Variants in CYTH3 observed in about 807,000 individuals in gnomAD.
CYTH3 encodes cytohesin 3, also known as cytohesin-3.
In CYTH3, 23 loss-of-function variants were observed where a neutral mutation model predicts 55.1. The ratio of observed to expected loss-of-function variants is 0.42; its 90% CI spans 0.30 to 0.59. CYTH3 has a LOEUF of 0.59. CYTH3 is among the 20% of genes least tolerant of loss of function. The pLI is 0.20. For synonymous variants in CYTH3, 249 were observed against 194.9 expected (o/e 1.28, Z -2.31); for missense variants, 413 against 524.8 (o/e 0.79, Z 2.08).
chr7:6,237,729 A>C (rs1046538613), intron 1 of CYTH3, among the ~76,000 whole-genome samples: 2 of 152,072 alleles, frequency 1.3e-5, no homozygotes, highest in African/African-American at 4.8e-5. Context: ...ACAAAAAAAA[A>C]CCACACATGC....
chr7:6,244,156 G>C (rs1022105001), intron 1 of CYTH3, among the ~76,000 whole-genome samples: 3 of 151,998 alleles, frequency 2.0e-5, no homozygotes, highest in African/African-American at 7.3e-5. Context: ...TGTCAAAGTC[G>C]GACACTTTCA....
intron 1 of CYTH3, among the ~76,000 whole-genome samples, chr7:6,262,423 A>G (rs924246494): frequency 3.3e-5 from 5 of 152,238 alleles, no homozygotes; most frequent in African/African-American, 1.2e-4. Context: ...ACCACATAAC[A>G]GCTGAAAACC....
rs148373869 is a variant in CYTH3 at position 6,166,082 on chromosome 7, G to A, written c.824-272C>T. Reference sequence around the variant, plus strand: ...TGGGAGAGTTAGTGGGATGGATGGCGTCATTTTCCCACATGAGATGGCAGT... The same window carrying A: ...TGGGAGAGTTAGTGGGATGGATGGCATCATTTTCCCACATGAGATGGCAGT... On this transcript the variant is annotated intron_variant, in intron 9 of 12. Coordinates refer to ENST00000350796, the MANE Select transcript of CYTH3 (RefSeq NM_004227.4). Among the ~76,000 whole-genome samples, 386 of 152,280 alleles carry A rather than the reference G, an allele frequency of 2.5e-3. 1 individual carries two copies. The highest frequency in any genetic ancestry group is 8.9e-3 in the African/African-American group (368 of 41,560).
At chr7:6,176,450 G>A (rs1042132147) in intron 5 of CYTH3, among the ~76,000 whole-genome samples, 6 of 151,392 alleles carry the variant, frequency 4.0e-5, no homozygotes, top group Admixed American at 1.3e-4. Flanking sequence ...TTTAGTAGAG[G>A]TGAGGTTTCA....
chr7:6,187,695 C>T lies in CYTH3; in HGVS notation c.144G>A (p.Val48=). ...IERLKYEIAE[V]MTEIDNLTSV... The stretch of plus-strand genomic sequence containing the variant: ...AAGTTAGATTGTCGATCTCTGTCAT[C>T]ACCTCTGCAATTTCATATTTCAGCC... Residue 48 remains valine, a synonymous_variant, in exon 3 of 13, where the codon GTG becomes GTA. Transcript: ENST00000350796. 6.2e-7 allele frequency: 1 copy of T among 1,614,148 alleles called. No homozygotes were observed. Among genetic ancestry groups the T allele is most frequent in the Non-Finnish European group, 8.5e-7 (1 of 1,180,008 alleles).
chr7:6,170,673 T>G lies in CYTH3; in HGVS notation c.712-27A>C. The G allele has an allele frequency of 6.2e-7, 1 of 1,606,086 alleles. No homozygotes were observed. The highest frequency in any genetic ancestry group is 8.5e-7 in the Non-Finnish European group (1 of 1,175,584). On this transcript the variant is annotated intron_variant, in intron 8 of 12. Coordinates refer to ENST00000350796, the MANE Select transcript of CYTH3 (RefSeq NM_004227.4). This position sits in a 1 kb window ranked among gnomAD's most constrained non-coding sequence, Gnocchi z 7.8. ...TGCAAGGAGGGAAAACAGCAGCCAGTTCAGAGACTCGGAGGAAAATGGCTG... is the reference window on the plus strand; with the variant it reads ...TGCAAGGAGGGAAAACAGCAGCCAGGTCAGAGACTCGGAGGAAAATGGCTG...
At chr7:6,219,954 T>C (rs529497521) in intron 1 of CYTH3, among the ~76,000 whole-genome samples, 8 of 152,266 alleles carry the variant, frequency 5.3e-5, no homozygotes, top group South Asian at 2.1e-4. Context: ...GGCAGAGGGA[T>C]AGACACACAG....
At chr7:6,213,709 G>A (rs1420415504) in intron 1 of CYTH3, among the ~76,000 whole-genome samples, 1 of 151,914 alleles carries the variant, frequency 6.6e-6, no homozygotes, top group Non-Finnish European at 1.5e-5. Flanking sequence ...GGTGTCTGAA[G>A]ACACAATCTC....
intron 4 of CYTH3, among the ~76,000 whole-genome samples, chr7:6,182,056 GT>G (rs909361138): frequency 6.6e-6 from 1 of 151,158 alleles, no homozygotes; most frequent in Non-Finnish European, 1.5e-5. Context: ...ATTTTGTTTT[GT>G]TTTTTTTGAG....
intron 1 of CYTH3, among the ~76,000 whole-genome samples, chr7:6,265,007 A>C (rs1780450791): frequency 6.6e-6 from 1 of 152,226 alleles, no homozygotes; most frequent in African/African-American, 2.4e-5. Flanking sequence ...ACAAACTTGA[A>C]TGAAGCAAGG....
Position 6,236,593 on chromosome 7 carries a change from C to A in CYTH3, c.34+35881G>T, listed in dbSNP as rs145073787. ...TTTGTTTTTTAGGCAAATTCTCGCT[C>A]TGTCGCCCAGGCTGGAGTATAGTGG... is the stretch of plus-strand genomic sequence containing the variant. On this transcript the variant is annotated intron_variant, in intron 1 of 12. Coordinates refer to ENST00000350796, the MANE Select transcript of CYTH3 (RefSeq NM_004227.4). Among the ~76,000 whole-genome samples the A allele has an allele frequency of 4.2e-3, 634 of 149,372 alleles. 6 individuals are homozygous for A. Among genetic ancestry groups the A allele is most frequent in the African/African-American group, 0.014 (575 of 40,516 alleles).
intron 1 of CYTH3, among the ~76,000 whole-genome samples, chr7:6,252,535 T>C (rs543258335): frequency 1.3e-5 from 2 of 152,294 alleles, no homozygotes; most frequent in African/African-American, 4.8e-5. Context: ...TAGAGGAGTG[T>C]CATTTTTTTT....
intron 1 of CYTH3, among the ~76,000 whole-genome samples, chr7:6,238,676 T>C (rs1186623631): frequency 6.6e-6 from 1 of 152,094 alleles, no homozygotes; most frequent in African/African-American, 2.4e-5. Context: ...CAAAAGTGAA[T>C]CCTAATGAAA....
intron 1 of CYTH3, among the ~76,000 whole-genome samples, chr7:6,195,469 T>C (rs1279683605): frequency 6.6e-6 from 1 of 152,220 alleles, no homozygotes; most frequent in Non-Finnish European, 1.5e-5. Flanking sequence ...TTTTTTATTT[T>C]TTTGAGACGG....
intron 1 of CYTH3, among the ~76,000 whole-genome samples, chr7:6,235,186 GC>G (rs1188961925): frequency 6.6e-6 from 1 of 152,204 alleles, no homozygotes; most frequent in Non-Finnish European, 1.5e-5. Context: ...AGTAAGAACT[GC>G]TTAGTGGGCC....
chr7:6,223,836 TAAAAAAAAAAAAAAA>T (rs58813864), intron 1 of CYTH3, among the ~76,000 whole-genome samples: 4 of 24,282 alleles, frequency 1.6e-4, no homozygotes, highest in Admixed American at 5.1e-4. Flanking sequence ...CAATAAATAC[TAAAAAAAAAAAAAAA>T]AAAAAAAAAA....
intron 1 of CYTH3, among the ~76,000 whole-genome samples, chr7:6,265,438 C>T (rs1170561287): frequency 6.6e-6 from 1 of 151,224 alleles, no homozygotes; most frequent in Non-Finnish European, 1.5e-5. Context: ...TGGTGAAACC[C>T]GTATCTATTA....
chr7:6,255,190 G>T (rs976525657), intron 1 of CYTH3, among the ~76,000 whole-genome samples: 2 of 152,158 alleles, frequency 1.3e-5, no homozygotes, highest in Non-Finnish European at 2.9e-5. Flanking sequence ...GGCTAGAAAT[G>T]ACAGAGCTGC....
intron 1 of CYTH3, among the ~76,000 whole-genome samples, chr7:6,211,684 T>C (rs1338779354): frequency 2.6e-5 from 4 of 152,168 alleles, no homozygotes; most frequent in Admixed American, 2.0e-4. Flanking sequence ...TTGACTATAG[T>C]TACCCTGTTG....
Sources: allele counts gnomAD v4.1 joint callset (sites outside exome capture counted in the v4.1 genomes callset), GRCh38; gene constraint gnomAD v4.1.1; non-coding constraint Gnocchi (gnomAD v3.1); transcripts MANE v1.5; gene names NCBI Gene and HGNC (gene_info 2026-07-23, HGNC 2026-07-21).